The following RBFOX1 variants were observed in gnomAD, a reference collection of about 807,000 sequenced individuals.
The protein encoded by RBFOX1 is RNA binding fox-1 homolog 1, also known as RNA binding protein fox-1 homolog 1.
A neutral mutation model predicts 57.7 loss-of-function variants in RBFOX1; 8 were observed. The observed-to-expected ratio is 0.14, with a 90% CI of 0.08 to 0.25. The LOEUF is 0.25. Ranked by LOEUF, RBFOX1 falls within the 10% of genes least tolerant of loss-of-function variation. The probability of loss-of-function intolerance (pLI) is 1.00; values close to 1 mark genes in which losing one functional copy is unlikely to be tolerated. For synonymous variants in RBFOX1, 326 were observed against 222.4 expected (o/e 1.47, Z -4.15); for missense variants, 611 against 548.5 (o/e 1.11, Z -1.14).
intron 1 of RBFOX1, among the ~76,000 whole-genome samples, chr16:6,138,391 T>G (rs1036875957): frequency 2.0e-5 from 3 of 152,202 alleles, no homozygotes; most frequent in African/African-American, 7.2e-5. Context: ...GAAGTCAACG[T>G]GTCAGCCTGG....
intron 1 of RBFOX1, among the ~76,000 whole-genome samples, chr16:5,450,668 G>C (rs1180093514): frequency 1.3e-5 from 2 of 152,176 alleles, no homozygotes; most frequent in African/African-American, 4.8e-5. Flanking sequence ...TCTGAGGTCA[G>C]AGTCAGGGAG....
intron 2 of RBFOX1, among the ~76,000 whole-genome samples, chr16:5,475,338 T>C (rs999056310): frequency 2.0e-5 from 3 of 152,226 alleles, no homozygotes; most frequent in African/African-American, 7.2e-5. Context: ...TCGATTTAAG[T>C]TGAGCCTTGA....
At chr16:5,769,614 T>C (rs918104502) in intron 3 of RBFOX1, among the ~76,000 whole-genome samples, 3 of 151,948 alleles carry the variant, frequency 2.0e-5, no homozygotes, top group Non-Finnish European at 4.4e-5. Context: ...GATCATGCCA[T>C]TGGAATCTAG....
chr16:6,608,780 A>G (rs2097988693), intron 2 of RBFOX1, among the ~76,000 whole-genome samples: 1 of 152,134 alleles, frequency 6.6e-6, no homozygotes. Context: ...TCAAAAACAA[A>G]CAAAAACAGA....
intron 3 of RBFOX1, among the ~76,000 whole-genome samples, chr16:5,655,820 A>T (rs1047799214): frequency 6.6e-6 from 1 of 152,222 alleles, no homozygotes; most frequent in Non-Finnish European, 1.5e-5. Context: ...GGTGCTGTTG[A>T]AGCCTCCATT....
intron 1 of RBFOX1, among the ~76,000 whole-genome samples, chr16:6,091,101 A>T (rs578179983): frequency 4.1e-4 from 63 of 152,192 alleles, no homozygotes; most frequent in Non-Finnish European, 6.5e-4. Context: ...TATATAATAC[A>T]TTACTGTTAA....
At chr16:6,568,955 T>G (rs1222536487) in intron 2 of RBFOX1, among the ~76,000 whole-genome samples, 1 of 152,116 alleles carries the variant, frequency 6.6e-6, no homozygotes, top group Admixed American at 6.6e-5. Context: ...CCATTTTTAG[T>G]ACAGATGGGA....
At position 7,666,465 on chromosome 16, in the gene RBFOX1, G is replaced by A. The variant is rs978211395; in HGVS notation, c.930+1497G>A. 3.9e-5 allele frequency among the ~76,000 whole-genome samples: 6 copies of A among 151,992 alleles called. No homozygotes were observed. The South Asian group carries it at 1.0e-3, about 26-fold the overall frequency. On this transcript the variant is annotated intron_variant, in intron 13 of 15. Coordinates refer to ENST00000550418, the MANE Select transcript of RBFOX1 (RefSeq NM_018723.4). ...ATTTAGTGAGTGTCCACCTCTTCAC[G>A]CCTCAGTTTCTTCAAACTGACAATA... is the stretch of plus-strand genomic sequence containing the variant.
Position 6,483,423 on chromosome 16 carries a change from G to A in RBFOX1, c.-64+166366G>A. 12 of 1,535,438 alleles carry A rather than the reference G, an allele frequency of 7.8e-6. No individual in the cohort carries two copies. In the South Asian group the frequency reaches 1.4e-4, roughly 18 times the overall value. The stretch of plus-strand genomic sequence containing the variant: ...TCATTTACATTGCTAGCACGTGGGT[G>A]CCGTTTGCTGTTGCCTCGGACTTCT... On this transcript the variant is annotated intron_variant, in intron 2 of 15. Coordinates refer to ENST00000550418, the MANE Select transcript of RBFOX1 (RefSeq NM_018723.4).
At chr16:5,782,481 T>A (rs2054356014) in intron 3 of RBFOX1, among the ~76,000 whole-genome samples, 1 of 152,190 alleles carries the variant, frequency 6.6e-6, no homozygotes, top group Admixed American at 6.5e-5. Context: ...CTCCCAACAC[T>A]GTTGCATTGG....
chr16:7,538,250 C>A (rs2082022734), intron 5 of RBFOX1, among the ~76,000 whole-genome samples: 1 of 152,088 alleles, frequency 6.6e-6, no homozygotes, highest in Admixed American at 6.6e-5. Flanking sequence ...TTTCATGAGT[C>A]CTTCCGCCAT....
At chr16:6,611,486 G>A (rs577377421) in intron 2 of RBFOX1, among the ~76,000 whole-genome samples, 21 of 152,146 alleles carry the variant, frequency 1.4e-4, no homozygotes, top group East Asian at 1.9e-4. Flanking sequence ...TGTTTCCCTC[G>A]GAGAGGTCTC....
intron 2 of RBFOX1, among the ~76,000 whole-genome samples, chr16:6,503,409 G>A (rs778677994): frequency 1.4e-4 from 22 of 151,952 alleles, no homozygotes; most frequent in Non-Finnish European, 2.1e-4. Flanking sequence ...CCAATATTTC[G>A]TGGCTTAAAA....
chr16:6,778,034 G>A (rs1226144326), intron 3 of RBFOX1, among the ~76,000 whole-genome samples: 1 of 152,118 alleles, frequency 6.6e-6, no homozygotes, highest in African/African-American at 2.4e-5. Flanking sequence ...AACTCATAAG[G>A]TGTGGGATAA....
chr16:6,713,834 G>C (rs560842487), intron 3 of RBFOX1, among the ~76,000 whole-genome samples: 13 of 152,288 alleles, frequency 8.5e-5, no homozygotes, highest in Non-Finnish European at 1.5e-4. Context: ...CCAGGTAGTA[G>C]GGTGATGGCA....
chr16:6,546,943 G>A (rs569886503), intron 2 of RBFOX1, among the ~76,000 whole-genome samples: 2 of 152,294 alleles, frequency 1.3e-5, no homozygotes, highest in East Asian at 1.9e-4. Context: ...AGTGTGGTCC[G>A]TAGATTCAAT....
intron 3 of RBFOX1, among the ~76,000 whole-genome samples, chr16:6,908,520 C>G (rs796238506): frequency 3.9e-5 from 6 of 152,330 alleles, no homozygotes; most frequent in African/African-American, 1.4e-4. Context: ...GCTGACAACT[C>G]ACTTATCAGG....
At chr16:7,205,562 A>T (rs1316141995) in intron 4 of RBFOX1, among the ~76,000 whole-genome samples, 1 of 152,108 alleles carries the variant, frequency 6.6e-6, no homozygotes, top group South Asian at 2.1e-4. Context: ...ACGGAAATAA[A>T]CATGAACCTT....
chr16:6,977,038 TATATATC>T (rs1399524264), intron 3 of RBFOX1, among the ~76,000 whole-genome samples: 1 of 144,746 alleles, frequency 6.9e-6, no homozygotes, highest in Non-Finnish European at 1.5e-5. Context: ...ATATATATCA[TATATATC>T]ATATATCATG....
Sources: gnomAD v4.1 joint callset for allele counts (sites outside exome capture counted in the v4.1 genomes callset) on GRCh38, gnomAD v4.1.1 for gene constraint, MANE v1.5 for transcripts, NCBI Gene and HGNC (gene_info 2026-07-23, HGNC 2026-07-21) for gene names.